Variants in PHACTR3 observed in about 807,000 individuals in gnomAD.
PHACTR3 encodes the protein protein phosphatase 1, regulatory subunit 123.
PHACTR3 carries 16 observed loss-of-function variants against 66.8 expected under a neutral mutation model. That is an observed-to-expected ratio of 0.24 (90% confidence interval 0.16 to 0.36). The LOEUF (loss-of-function observed/expected upper bound fraction) is 0.36. Ranked by LOEUF, PHACTR3 falls within the 10% of genes least tolerant of loss-of-function variation. PHACTR3 has a pLI of 1.00. For synonymous variants in PHACTR3, 323 were observed against 292.1 expected (o/e 1.11, Z -1.08); for missense variants, 647 against 719.9 (o/e 0.90, Z 1.16).
intron 1 of PHACTR3, among the ~76,000 whole-genome samples, chr20:59,684,479 A>T (rs976256151): frequency 6.6e-6 from 1 of 152,182 alleles, no homozygotes; most frequent in African/African-American, 2.4e-5. Context: ...GAGACAGGCA[A>T]GGATGCTCCT....
intron 1 of PHACTR3, among the ~76,000 whole-genome samples, chr20:59,614,934 G>A (rs1476613169): frequency 6.6e-6 from 1 of 152,110 alleles, no homozygotes; most frequent in South Asian, 2.1e-4. Flanking sequence ...GCTGACTTTG[G>A]CACGTTTATT....
intron 1 of PHACTR3, among the ~76,000 whole-genome samples, chr20:59,704,193 A>G (rs1243822081): frequency 1.3e-5 from 2 of 152,196 alleles, no homozygotes; most frequent in African/African-American, 2.4e-5. Context: ...TTATGTTCCC[A>G]TTAAGAGTGG....
chr20:59,820,520 CT>C lies in PHACTR3; in HGVS notation c.1328+14328del, dbSNP rs1233349526. Among the ~76,000 whole-genome samples the C allele has an allele frequency of 2.0e-5, 3 of 152,182 alleles. No homozygotes were observed. Among genetic ancestry groups the C allele is most frequent in the African/African-American group, 4.8e-5 (2 of 41,442 alleles). On this transcript the variant is annotated intron_variant, in intron 8 of 12. Transcript: ENST00000371015. The surrounding 1 kb of genome is among the most constrained non-coding windows in gnomAD (Gnocchi z 4.6). ...AGCCCCAGAGGATATAAATATGACG[CT>C]TCATCGTCTTGGGTGGAAGTCCCCG...
chr20:59,804,581 TAAAG>T (rs377444920), intron 7 of PHACTR3, among the ~76,000 whole-genome samples: 31 of 152,276 alleles, frequency 2.0e-4, no homozygotes, highest in African/African-American at 7.2e-4. Flanking sequence ...TAACATGCAG[TAAAG>T]GCCAACTGAA....
chr20:59,642,900 T>C (rs1285355342), intron 1 of PHACTR3, among the ~76,000 whole-genome samples: 1 of 152,098 alleles, frequency 6.6e-6, no homozygotes, highest in African/African-American at 2.4e-5. Flanking sequence ...TTCTTCTTCT[T>C]GTTTTTTGTT....
chr20:59,822,653 TAAATC>T (rs2042084021), intron 8 of PHACTR3, among the ~76,000 whole-genome samples: 2 of 152,296 alleles, frequency 1.3e-5, no homozygotes, highest in South Asian at 2.1e-4. Flanking sequence ...TGTCTTTTCT[TAAATC>T]AAGGACACTT....
intron 7 of PHACTR3, among the ~76,000 whole-genome samples, chr20:59,777,978 T>G (rs1182496): frequency 0.98 from 148,359 of 152,150 alleles, 72,362 homozygotes; most frequent in East Asian, 1. Flanking sequence ...CTGCGCCCTG[T>G]GCTGGGACTC....
At chr20:59,579,786 A>T (rs1346120364) in intron 1 of PHACTR3, among the ~76,000 whole-genome samples, 4 of 152,230 alleles carry the variant, frequency 2.6e-5, no homozygotes, top group African/African-American at 9.6e-5. Flanking sequence ...GGGGGCTGAT[A>T]GGACCTGCTC....
chr20:59,734,016 C>T (rs1218278489), intron 1 of PHACTR3, among the ~76,000 whole-genome samples: 1 of 151,898 alleles, frequency 6.6e-6, no homozygotes, highest in Non-Finnish European at 1.5e-5. Context: ...GTGGTCTTCT[C>T]ACAAGGCTGA....
At chr20:59,715,993 C>T (rs542097213) in intron 1 of PHACTR3, among the ~76,000 whole-genome samples, 1 of 152,084 alleles carries the variant, frequency 6.6e-6, no homozygotes, top group Non-Finnish European at 1.5e-5. Flanking sequence ...CATTCTGGAC[C>T]AAGGAGTGTT....
exon 1 of PHACTR3, chr20:59,577,587 G>C: frequency 8.3e-7 from 1 of 1,208,196 alleles, no homozygotes; most frequent in East Asian, 3.4e-5. Flanking sequence ...GGCCCGGGAC[G>C]CTGCCGCCGC....
At chr20:59,601,302 G>A (rs537542673), upstream of PHACTR3, among the ~76,000 whole-genome samples, 5 of 152,324 alleles carry the variant, frequency 3.3e-5, no homozygotes, top group South Asian at 2.1e-4. Flanking sequence ...ATGTCAGTAC[G>A]TCCCTCCTTT....
chr20:59,819,011 C>T (rs561617027), intron 8 of PHACTR3, among the ~76,000 whole-genome samples: 6 of 152,192 alleles, frequency 3.9e-5, no homozygotes, highest in East Asian at 1.9e-4. Context: ...ATCCCCTTGA[C>T]GTCTGGGGGC....
rs1265970170 is a variant in PHACTR3 at position 59,666,879 on chromosome 20, G to A, written c.118+61747G>A. On this transcript the variant is annotated intron_variant, in intron 1 of 12. Coordinates refer to ENST00000371015, the MANE Select transcript of PHACTR3 (RefSeq NM_080672.5). ...TCAAACTGGTCTGAGTGGGCTTCTG[G>A]TCCTTACACGGTGTAATCTTTAAAA... Among the ~76,000 whole-genome samples the A allele has an allele frequency of 8.5e-5, 13 of 152,342 alleles. No individual in the cohort carries two copies. The South Asian group carries it at 2.7e-3, about 32-fold the overall frequency.
At chr20:59,668,119 G>A (rs1012702532) in intron 1 of PHACTR3, among the ~76,000 whole-genome samples, 2 of 152,180 alleles carry the variant, frequency 1.3e-5, no homozygotes, top group South Asian at 4.1e-4. Context: ...TGGGGTTAGA[G>A]ATGGACACGT....
At chr20:59,718,984 C>T (rs1051584641) in intron 1 of PHACTR3, among the ~76,000 whole-genome samples, 3 of 152,232 alleles carry the variant, frequency 2.0e-5, no homozygotes, top group African/African-American at 4.8e-5. Context: ...GACAAGAATC[C>T]ATCAGATCTT....
chr20:59,780,901 T>C (rs1289256314), intron 7 of PHACTR3, among the ~76,000 whole-genome samples: 2 of 152,204 alleles, frequency 1.3e-5, no homozygotes, highest in African/African-American at 4.8e-5. Flanking sequence ...AAGTATAGCT[T>C]TGTCTCATTG....
In PHACTR3 at chr20:59,783,636, G is replaced by A. The variant is rs542388379; in HGVS notation, c.1174+9146G>A. Among the ~76,000 whole-genome samples, 4 of 152,212 alleles carry A rather than the reference G, an allele frequency of 2.6e-5. No individual in the cohort carries two copies. The East Asian group carries it at 7.7e-4, about 29-fold the overall frequency. ...TGAAACTTGCCCATTTTGAATCCAGGGCTTTCCAGCTCCACAGCACATGAC... is the reference window on the plus strand; with the variant it reads ...TGAAACTTGCCCATTTTGAATCCAGAGCTTTCCAGCTCCACAGCACATGAC... On this transcript the variant is annotated intron_variant, in intron 7 of 12. Coordinates refer to ENST00000371015, the MANE Select transcript of PHACTR3 (RefSeq NM_080672.5).
intron 1 of PHACTR3, among the ~76,000 whole-genome samples, chr20:59,656,413 A>G (rs969453705): frequency 4.0e-5 from 6 of 148,764 alleles, no homozygotes; most frequent in Non-Finnish European, 7.4e-5. Flanking sequence ...CTCTATATCT[A>G]TATCTCTAGT....
Sources: gnomAD v4.1 joint callset for allele counts (sites outside exome capture counted in the v4.1 genomes callset) on GRCh38, gnomAD v4.1.1 for gene constraint, Gnocchi (gnomAD v3.1) non-coding constraint, MANE v1.5 for transcripts, NCBI Gene and HGNC (gene_info 2026-07-23, HGNC 2026-07-21) for gene names.